The following LIFR variants were observed in gnomAD, a reference collection of about 807,000 sequenced individuals.
LIFR encodes the protein LIF receptor subunit alpha.
Under a neutral mutation model 122.2 loss-of-function variants are expected in LIFR, and 84 were observed. That is an observed-to-expected ratio of 0.69 (90% CI 0.58 to 0.82). LIFR has a LOEUF of 0.82. LIFR is among the 40% of genes least tolerant of loss of function. The probability of loss-of-function intolerance (pLI) is 0.00; values close to 1 mark genes in which losing one functional copy is unlikely to be tolerated. For missense variants in LIFR, 1,294 were observed against 1,311.6 expected, an observed-to-expected ratio of 0.99 and a Z score of 0.21; for synonymous variants, 422 against 434.7, an observed-to-expected ratio of 0.97 and a Z score of 0.36.
At chr5:38,592,009 C>T (rs535578058) in intron 1 of LIFR, among the ~76,000 whole-genome samples, 94 of 152,296 alleles carry the variant, frequency 6.2e-4, no homozygotes, top group Non-Finnish European at 1.1e-3. Flanking sequence ...CCACTAACTC[C>T]AGCCTCCCAA....
At chr5:38,565,681 G>A (rs772946548) in intron 1 of LIFR, among the ~76,000 whole-genome samples, 10 of 151,332 alleles carry the variant, frequency 6.6e-5, no homozygotes, top group Non-Finnish European at 1.0e-4. Context: ...CCCACCTCCC[G>A]GGTTCAAGTG....
chr5:38,589,040 G>A (rs1015227805), intron 1 of LIFR, among the ~76,000 whole-genome samples: 8 of 144,728 alleles, frequency 5.5e-5, no homozygotes, highest in African/African-American at 1.0e-4. Context: ...CTCTGTTGCC[G>A]AGGCTGAAGT....
chr5:38,598,801 T>G (rs1301199735), upstream of LIFR, among the ~76,000 whole-genome samples: 3 of 152,236 alleles, frequency 2.0e-5, no homozygotes, highest in African/African-American at 7.2e-5. Flanking sequence ...CACTTTGCTA[T>G]AATAATTTAC....
At chr5:38,494,991 A>G (rs1367154492) in intron 13 of LIFR, among the ~76,000 whole-genome samples, 1 of 152,252 alleles carries the variant, frequency 6.6e-6, no homozygotes, top group Non-Finnish European at 1.5e-5. Context: ...AACTACTACT[A>G]AACGCAAGAC....
rs1743795879 is a variant in LIFR, at chr5:38,477,818, T to C, written c.*3777A>G. On this transcript the variant is annotated 3_prime_UTR_variant, in exon 20 of 20. Transcript: ENST00000453190. Reference sequence around the variant, plus strand: ...GCTTTCACGATGTGCCTAGTCTTTGTAGCTAATAATCCCACATTTTACTCT... The same window carrying C: ...GCTTTCACGATGTGCCTAGTCTTTGCAGCTAATAATCCCACATTTTACTCT... The C allele has an allele frequency of 1.8e-5, 4 of 217,414 alleles. No individual in the cohort carries two copies. The highest frequency in any genetic ancestry group is 2.8e-5 in the Non-Finnish European group (3 of 107,860). The allele number at this position is 217,414 out of a possible 1,614,324, so 13.5% of individuals were successfully genotyped here. A position where few individuals can be genotyped will look rare whatever the true frequency, so the allele number is the denominator to read the frequency against.
upstream of LIFR, among the ~76,000 whole-genome samples, chr5:38,597,484 G>A (rs1328622521): frequency 1.3e-5 from 2 of 152,278 alleles, no homozygotes; most frequent in South Asian, 2.1e-4. Flanking sequence ...TATTGCTTGT[G>A]GGAGTAGACA....
intron 5 of LIFR, among the ~76,000 whole-genome samples, chr5:38,522,065 G>A (rs964004651): frequency 6.6e-6 from 1 of 152,208 alleles, no homozygotes; most frequent in African/African-American, 2.4e-5. Flanking sequence ...CAGCAGCAGT[G>A]GCTGTGCTGC....
chr5:38,603,838 T>C (rs1016587527), intron 2 of LIFR, among the ~76,000 whole-genome samples: 1 of 152,220 alleles, frequency 6.6e-6, no homozygotes, highest in African/African-American at 2.4e-5. Context: ...TCTTATTCAT[T>C]CCTGTGGTCA....
chr5:38,520,919 G>A (rs993811935), intron 5 of LIFR, among the ~76,000 whole-genome samples: 1 of 152,098 alleles, frequency 6.6e-6, no homozygotes, highest in African/African-American at 2.4e-5. Context: ...AGCTATTTGG[G>A]TTTCTTTTGA....
At chr5:38,606,034 C>G (rs1750321129) in intron 2 of LIFR, among the ~76,000 whole-genome samples, 1 of 152,160 alleles carries the variant, frequency 6.6e-6, no homozygotes, top group South Asian at 2.1e-4. Flanking sequence ...TGAGACCTGT[C>G]TCAGATAGTT....
Position 38,481,528 on chromosome 5 carries a change from G to C in LIFR, c.*67C>G. On this transcript the variant is annotated 3_prime_UTR_variant, in exon 20 of 20. Transcript: ENST00000453190. ...CAGGATCCCTCCAAGAATGCCCAGT[G>C]CTGATGTAGCAACACTAGCAGTAAG... The C allele has an allele frequency of 6.6e-7, 1 of 1,517,452 alleles. No homozygotes were observed. The highest frequency in any genetic ancestry group is 1.4e-5 in the African/African-American group (1 of 73,092). 94.0% of individuals were successfully genotyped at this position (1,517,452 alleles called of 1,614,324 possible). A position where few individuals can be genotyped will look rare whatever the true frequency, so the allele number is the denominator to read the frequency against.
At position 38,511,964 on chromosome 5, in the gene LIFR, C is replaced by T. The variant is rs776538213; in HGVS notation, c.562G>A (p.Val188Met). 1.2e-6 allele frequency: 2 copies of T among 1,613,762 alleles called. No homozygotes were observed. The highest frequency in any genetic ancestry group is 2.2e-5 in the South Asian group (2 of 91,022). Residue 188 changes from valine (V) to methionine (M), a missense_variant and splice_region_variant, in exon 6 of 20, where the codon GTG becomes ATG. Transcript: ENST00000453190. ...RKESMELVKL[V>M]THNTTLNGKD... ...CCATTCAGAGTTGTGTTGTGGGTCACCTAAAAATGAACACAAACACAAAAC... is the reference window on the plus strand; with the variant it reads ...CCATTCAGAGTTGTGTTGTGGGTCATCTAAAAATGAACACAAACACAAAAC...
Position 38,475,069 on chromosome 5 carries a change from C to T in LIFR, c.*6526G>A. The T allele has an allele frequency of 5.6e-6, 1 of 177,520 alleles. No homozygotes were observed. The highest frequency in any genetic ancestry group is 9.6e-5 in the East Asian group (1 of 10,464). The allele number at this position is 177,520 out of a possible 1,614,324, so 11.0% of individuals were successfully genotyped here. ...ACATAAGTAACATCTTTAGAGTTAACAGCCAAGCATACTAGTTTTACATTT... is the reference window on the plus strand; with the variant it reads ...ACATAAGTAACATCTTTAGAGTTAATAGCCAAGCATACTAGTTTTACATTT... On this transcript the variant is annotated 3_prime_UTR_variant, in exon 20 of 20. Coordinates refer to ENST00000453190, the MANE Select transcript of LIFR (RefSeq NM_001127671.2).
chr5:38,537,624 C>A lies in LIFR; in HGVS notation c.-19-6958G>T, dbSNP rs182854574. ...TATCTCTAAAAAGAAACAGGAACAT[C>A]TCCATTTCCCAGTACTTCTCACTAA... is the stretch of plus-strand genomic sequence containing the variant. On this transcript the variant is annotated intron_variant, in intron 1 of 19. Coordinates refer to ENST00000453190, the MANE Select transcript of LIFR (RefSeq NM_001127671.2). Among the ~76,000 whole-genome samples, 233 of 151,904 alleles carry A rather than the reference C, an allele frequency of 1.5e-3. 4 individuals carry two copies. Among genetic ancestry groups the A allele is most frequent in the Admixed American group, 0.013 (199 of 15,258 alleles).
At chr5:38,539,012 G>A (rs1747439775) in intron 1 of LIFR, among the ~76,000 whole-genome samples, 1 of 152,048 alleles carries the variant, frequency 6.6e-6, no homozygotes, top group African/African-American at 2.4e-5. Flanking sequence ...CCAGGCTGGA[G>A]TGCAGTGGCG....
At position 38,475,112 on chromosome 5, in the gene LIFR, G is replaced by T. The variant is rs771210595; in HGVS notation, c.*6483C>A. 3 of 180,186 alleles carry T rather than the reference G, an allele frequency of 1.7e-5. No homozygotes were observed. The highest frequency in any genetic ancestry group is 3.6e-5 in the Non-Finnish European group (3 of 84,296). The allele number at this position is 180,186 out of a possible 1,614,324, so 11.2% of individuals were successfully genotyped here. ...TTACATTTATGGTGTTTTAGTAATAGATTATTTTCTATGTTTTTGCTATAA... is the reference window on the plus strand; with the variant it reads ...TTACATTTATGGTGTTTTAGTAATATATTATTTTCTATGTTTTTGCTATAA... On this transcript the variant is annotated 3_prime_UTR_variant, in exon 20 of 20. Transcript: ENST00000453190.
chr5:38,583,177 G>A (rs1749642435), intron 1 of LIFR, among the ~76,000 whole-genome samples: 1 of 152,094 alleles, frequency 6.6e-6, no homozygotes, highest in Admixed American at 6.6e-5. Flanking sequence ...CCAAAATTAT[G>A]AGTTATAAAT....
At chr5:38,556,148 G>A (rs1483193933) in intron 1 of LIFR, among the ~76,000 whole-genome samples, 186 bp downstream of exon 1, 1 of 152,174 alleles carries the variant, frequency 6.6e-6, no homozygotes, top group East Asian at 2.0e-4. Context: ...CCCAGGACAC[G>A]AGGGTGACCC....
intron 5 of LIFR, 44 bp downstream of exon 5, chr5:38,523,373 TCA>T: frequency 6.6e-7 from 1 of 1,518,022 alleles, no homozygotes; most frequent in Non-Finnish European, 9.0e-7. Context: ...AAAAAATTAT[TCA>T]GTTTCTTTAA....
Sources: gnomAD v4.1 joint callset for allele counts (sites outside exome capture counted in the v4.1 genomes callset) on GRCh38, gnomAD v4.1.1 for gene constraint, MANE v1.5 for transcripts, NCBI Gene and HGNC (gene_info 2026-07-23, HGNC 2026-07-21) for gene names.